Variants in CADM1 observed in about 807,000 individuals in gnomAD.
The protein encoded by CADM1 is TSLC-1.
In CADM1, 15 loss-of-function variants were observed where a neutral mutation model predicts 53.1. The observed-to-expected ratio is 0.28, with a 90% CI of 0.19 to 0.44. The LOEUF (loss-of-function observed/expected upper bound fraction) is 0.44, where lower values mean the gene tolerates loss of function less well. Ranked by LOEUF, CADM1 falls within the 20% of genes least tolerant of loss-of-function variation. The pLI, the probability that CADM1 is intolerant of heterozygous loss-of-function variation, is 1.00. For missense variants in CADM1, 434 were observed against 611.3 expected, an observed-to-expected ratio of 0.71 and a Z score of 3.06; for synonymous variants, 281 against 243.0, an observed-to-expected ratio of 1.16 and a Z score of -1.45.
intron 8 of CADM1, among the ~76,000 whole-genome samples, chr11:115,205,879 CACA>C (rs1367690907): frequency 1.3e-5 from 2 of 152,124 alleles, no homozygotes; most frequent in Non-Finnish European, 2.9e-5. Flanking sequence ...GTTTTAAAGC[CACA>C]ACAAGTTGAT....
intron 1 of CADM1, among the ~76,000 whole-genome samples, chr11:115,394,034 A>G (rs1286317556): frequency 6.6e-6 from 1 of 152,220 alleles, no homozygotes; most frequent in Non-Finnish European, 1.5e-5. Flanking sequence ...ATGTACAGGT[A>G]GAGTAATCAT....
chr11:115,401,037 G>T (rs541646699), intron 1 of CADM1, among the ~76,000 whole-genome samples: 2 of 152,034 alleles, frequency 1.3e-5, no homozygotes, highest in Non-Finnish European at 2.9e-5. Flanking sequence ...ACAAAAACCC[G>T]CACGCAGATG....
At chr11:115,280,906 G>A (rs1022452891) in intron 1 of CADM1, among the ~76,000 whole-genome samples, 7 of 152,310 alleles carry the variant, frequency 4.6e-5, no homozygotes, top group Admixed American at 1.3e-4. Context: ...TCCTTAATGC[G>A]TTCTGCTCAA....
At chr11:115,285,421 T>C (rs1943705591) in intron 1 of CADM1, among the ~76,000 whole-genome samples, 1 of 152,210 alleles carries the variant, frequency 6.6e-6, no homozygotes, top group South Asian at 2.1e-4. Flanking sequence ...GTAGTAGTCT[T>C]ATCCCCATTT....
At chr11:115,241,471 A>G (rs1355831260) in intron 1 of CADM1, among the ~76,000 whole-genome samples, 2 of 152,156 alleles carry the variant, frequency 1.3e-5, no homozygotes, top group African/African-American at 2.4e-5. Flanking sequence ...TGGGAAGGGG[A>G]GAGAGAGAGA....
intron 10 of CADM1, among the ~76,000 whole-genome samples, chr11:115,189,227 A>G (rs1939724124): frequency 6.6e-6 from 1 of 152,220 alleles, no homozygotes; most frequent in Admixed American, 6.5e-5. Context: ...ATAGAACTGC[A>G]GCAGGGACCC....
intron 1 of CADM1, chr11:115,363,506 T>C (rs1591748597): frequency 6.6e-6 from 1 of 152,314 alleles, no homozygotes; most frequent in East Asian, 1.9e-4. Flanking sequence ...TAGGCTAATT[T>C]TCCATTTTAA....
Position 115,172,569 on chromosome 11 carries a change from TTC to T in CADM1, c.*3903_*3904del, listed in dbSNP as rs1938828003. 1 of 152,274 alleles carries T rather than the reference TTC, an allele frequency of 6.6e-6. No homozygotes were observed. Among genetic ancestry groups the T allele is most frequent in the African/African-American group, 2.4e-5 (1 of 41,430 alleles). 9.4% of individuals were successfully genotyped at this position (152,274 alleles called of 1,614,324 possible). On this transcript the variant is annotated 3_prime_UTR_variant, in exon 12 of 12. Coordinates refer to ENST00000331581, the MANE Select transcript of CADM1 (RefSeq NM_001301043.2). Reference sequence around the variant, plus strand: ...AAAATTCTCATAGCACTCTCTGGGCTTCTCTGTGTTCAGTGGGGCACCCATGG... The same window carrying T: ...AAAATTCTCATAGCACTCTCTGGGCTTCTGTGTTCAGTGGGGCACCCATGG...
chr11:115,426,718 C>A (rs376407842), intron 1 of CADM1, among the ~76,000 whole-genome samples: 1 of 152,112 alleles, frequency 6.6e-6, no homozygotes, highest in African/African-American at 2.4e-5. Flanking sequence ...CCCTTTACCC[C>A]CTCTGGGCCC....
intron 9 of CADM1, among the ~76,000 whole-genome samples, chr11:115,192,116 T>C (rs1939902581): frequency 6.6e-6 from 1 of 152,232 alleles, no homozygotes. Context: ...CTGATCACTA[T>C]TTTTAAAGGC....
intron 1 of CADM1, among the ~76,000 whole-genome samples, chr11:115,388,673 T>A (rs12273523): frequency 1.3e-5 from 2 of 152,144 alleles, no homozygotes; most frequent in Non-Finnish European, 2.9e-5. Context: ...CTTAATCTCA[T>A]CATGACAAAA....
In CADM1 at chr11:115,174,447, T is replaced by C. The variant is rs1938926746; in HGVS notation, c.*2027A>G. ...ATAAAATTCATTGAAAAAGGGATGT[T>C]CATTGTGGCTTTTTGTCTTGGTTAA... On this transcript the variant is annotated 3_prime_UTR_variant, in exon 12 of 12. Transcript: ENST00000331581. 2.0e-6 allele frequency: 2 copies of C among 985,678 alleles called. No individual in the cohort carries two copies. The highest frequency in any genetic ancestry group is 6.2e-5 in the Admixed American group (1 of 16,260). The allele number at this position is 985,678 out of a possible 1,614,324, so 61.1% of individuals were successfully genotyped here.
chr11:115,218,283 C>CA (rs1941270569), intron 5 of CADM1: 2 of 410,178 alleles, frequency 4.9e-6, no homozygotes, highest in Non-Finnish European at 9.2e-6. Flanking sequence ...CAAACTCACT[C>CA]AAGCTAAAGG....
chr11:115,494,024 A>G (rs957442168), intron 1 of CADM1, among the ~76,000 whole-genome samples: 3 of 152,176 alleles, frequency 2.0e-5, no homozygotes, highest in Admixed American at 6.5e-5. Context: ...GCGTGTGCCC[A>G]GGAAAATGTC....
intron 1 of CADM1, among the ~76,000 whole-genome samples, chr11:115,389,984 G>A (rs944569040): frequency 6.6e-6 from 1 of 152,114 alleles, no homozygotes; most frequent in South Asian, 2.1e-4. Context: ...CTAAAACAGA[G>A]AAGTCATAGT....
chr11:115,421,072 TAAAAC>T (rs961050283), intron 1 of CADM1, among the ~76,000 whole-genome samples: 15 of 152,208 alleles, frequency 9.9e-5, no homozygotes, highest in Non-Finnish European at 1.0e-4. Flanking sequence ...AACTTAATGT[TAAAAC>T]AAACTGCAAT....
At chr11:115,289,684 C>G (rs2135104919) in intron 1 of CADM1, among the ~76,000 whole-genome samples, 1 of 146,150 alleles carries the variant, frequency 6.8e-6, no homozygotes, top group Admixed American at 7.1e-5. Context: ...CAAGCTCTGT[C>G]TCCAGGGTTC....
chr11:115,175,451 G>A lies in CADM1; in HGVS notation c.*1023C>T. The A allele has an allele frequency of 1.0e-6, 1 of 985,272 alleles. No homozygotes were observed. Among genetic ancestry groups the A allele is most frequent in the East Asian group, 1.1e-4 (1 of 8,804 alleles). 61.0% of individuals were successfully genotyped at this position (985,272 alleles called of 1,614,324 possible). A position where few individuals can be genotyped will look rare whatever the true frequency, so the allele number is the denominator to read the frequency against. ...CGAACTTGCTTTTTCCTACAAATTAGTGAGAAGTAAGGCCGATTGGGAAAG... is the reference window on the plus strand; with the variant it reads ...CGAACTTGCTTTTTCCTACAAATTAATGAGAAGTAAGGCCGATTGGGAAAG... On this transcript the variant is annotated 3_prime_UTR_variant, in exon 12 of 12. Coordinates refer to ENST00000331581, the MANE Select transcript of CADM1 (RefSeq NM_001301043.2).
At chr11:115,358,142 C>G (rs531193814) in intron 1 of CADM1, among the ~76,000 whole-genome samples, 3 of 152,154 alleles carry the variant, frequency 2.0e-5, no homozygotes, top group Non-Finnish European at 4.4e-5. Flanking sequence ...ATTCCTGGTA[C>G]CCATCTGTCA....
Sources: allele counts gnomAD v4.1 joint callset (sites outside exome capture counted in the v4.1 genomes callset), GRCh38; gene constraint gnomAD v4.1.1; transcripts MANE v1.5; gene names NCBI Gene and HGNC (gene_info 2026-07-23, HGNC 2026-07-21).